Variants in CHIC1 observed in about 807,000 individuals in gnomAD.
CHIC1 encodes the protein cysteine-rich hydrophobic domain-containing protein 1.
CHIC1 carries 7 observed loss-of-function variants against 18.5 expected under a neutral mutation model. That is an observed-to-expected ratio of 0.38 (90% CI 0.22 to 0.71). The LOEUF is 0.71. CHIC1 is among the 30% of genes least tolerant of loss of function. The pLI is 0.49. For synonymous variants in CHIC1, 77 were observed against 73.5 expected (o/e 1.05, Z -0.25); for missense variants, 159 against 176.9 (o/e 0.90, Z 0.57).
intron 3 of CHIC1, among the ~76,000 whole-genome samples, chrX:73,600,885 A>C (rs1195985344): frequency 1.9e-5 from 2 of 106,214 alleles, no homozygotes; most frequent in Non-Finnish European, 3.8e-5. Flanking sequence ...AATGGAAAAC[A>C]AAAAAAAAGG....
At position 73,600,777 on chromosome X, in the gene CHIC1, A is replaced by T. The variant is rs1264054645; in HGVS notation, c.507+16205A>T. ...ATTTTTGCATCAATGTTCATCAAGGATATTGGTCTAAAAGTGTGCTGTATT... is the reference window on the plus strand; with the variant it reads ...ATTTTTGCATCAATGTTCATCAAGGTTATTGGTCTAAAAGTGTGCTGTATT... On this transcript the variant is annotated intron_variant, in intron 3 of 5. Coordinates refer to ENST00000373502, the MANE Select transcript of CHIC1 (RefSeq NM_001039840.4). Among the ~76,000 whole-genome samples the T allele has an allele frequency of 2.8e-5, 3 of 106,947 alleles. No individual in the cohort carries two copies. The Admixed American group carries it at 3.0e-4, about 11-fold the overall frequency. 92.9% of individuals were successfully genotyped at this position (106,947 alleles called of 115,157 possible).
At chrX:73,564,266 A>G (rs776790245) in intron 1 of CHIC1, among the ~76,000 whole-genome samples, 35 of 111,486 alleles carry the variant, frequency 3.1e-4, no homozygotes, top group South Asian at 7.5e-4. Context: ...CTCTAAAATG[A>G]AGGGTTTGGA....
intron 3 of CHIC1, among the ~76,000 whole-genome samples, chrX:73,640,618 A>G (rs2057851105): frequency 9.0e-6 from 1 of 111,515 alleles, no homozygotes; most frequent in Admixed American, 9.5e-5. Context: ...CATTTCTTCT[A>G]AATTTTCTTG....
intron 3 of CHIC1, among the ~76,000 whole-genome samples, chrX:73,627,433 G>A (rs1398029665): frequency 6.2e-5 from 7 of 112,806 alleles, no homozygotes; most frequent in East Asian, 2.8e-4. Flanking sequence ...CAGAGGTGCT[G>A]TCCTAGAGTC....
intron 3 of CHIC1, among the ~76,000 whole-genome samples, chrX:73,634,517 G>T (rs1451209415): frequency 8.9e-6 from 1 of 112,117 alleles, no homozygotes; most frequent in Admixed American, 9.4e-5. Context: ...CCATCCACAA[G>T]GTTGTAGGGG....
intron 3 of CHIC1, among the ~76,000 whole-genome samples, chrX:73,636,618 G>A (rs1397191602): frequency 9.2e-6 from 1 of 108,980 alleles, no homozygotes; most frequent in African/African-American, 3.3e-5. Flanking sequence ...ACCATTTTCT[G>A]TTTAGTTCTT....
chrX:73,569,156 T>C (rs2057458261), intron 1 of CHIC1, among the ~76,000 whole-genome samples: 1 of 111,814 alleles, frequency 8.9e-6, no homozygotes, highest in South Asian at 3.7e-4. Flanking sequence ...AGAATCAGTA[T>C]TCCTATAAGT....
rs754331398 is a variant in CHIC1 at position 73,625,060 on chromosome X, C to T, written c.507+40488C>T. 9.1e-4 allele frequency among the ~76,000 whole-genome samples: 102 copies of T among 111,539 alleles called. 1 individual carries two copies. Among genetic ancestry groups the T allele is most frequent in the South Asian group, 2.3e-3 (6 of 2,641 alleles). On this transcript the variant is annotated intron_variant, in intron 3 of 5. Transcript: ENST00000373502. ...TCTTTCCCTGAGCAGCCCTAGTAAC[C>T]TTGCTTGCTACATCAAAGCCCTTGG...
intron 3 of CHIC1, among the ~76,000 whole-genome samples, chrX:73,669,906 C>T (rs2058021799): frequency 8.9e-6 from 1 of 112,074 alleles, no homozygotes; most frequent in Admixed American, 9.4e-5. Flanking sequence ...GGCATATATG[C>T]AGACCTCCTG....
intron 3 of CHIC1, among the ~76,000 whole-genome samples, chrX:73,609,235 A>T (rs1320109823): frequency 9.3e-6 from 1 of 107,777 alleles, no homozygotes; most frequent in Non-Finnish European, 1.9e-5. Flanking sequence ...CCAGTGCTAA[A>T]TTGAATAGAA....
At chrX:73,570,638 A>G (rs773389787) in intron 1 of CHIC1, among the ~76,000 whole-genome samples, 1 of 111,546 alleles carries the variant, frequency 9.0e-6, no homozygotes, top group Admixed American at 9.5e-5. Context: ...AGAAATTTTC[A>G]GTATACAATT....
chrX:73,686,559 G>GT lies in CHIC1; in HGVS notation c.*5559dup, dbSNP rs2058123013. 1.8e-5 allele frequency: 2 copies of GT among 111,744 alleles called. No individual in the cohort carries two copies. Among genetic ancestry groups the GT allele is most frequent in the African/African-American group, 6.5e-5 (2 of 30,810 alleles). 9.2% of individuals were successfully genotyped at this position (111,744 alleles called of 1,213,427 possible). A position where few individuals can be genotyped will look rare whatever the true frequency, so the allele number is the denominator to read the frequency against. On this transcript the variant is annotated 3_prime_UTR_variant, in exon 6 of 6. Coordinates refer to ENST00000373502, the MANE Select transcript of CHIC1 (RefSeq NM_001039840.4). ...TTCTCAAATGTTCTTTTATTTCTTT[G>GT]TTTTTATCTCGACTTTTTATTTTCC...
rs755762391 is a variant in CHIC1, at chrX:73,683,636, C to G, written c.*2631C>G. ...TGAATTTCTTTGTTACATAATATTC[C>G]TTTATGAAACTTGTGATAGTTTCCA... is the stretch of plus-strand genomic sequence containing the variant. On this transcript the variant is annotated 3_prime_UTR_variant, in exon 6 of 6. Coordinates refer to ENST00000373502, the MANE Select transcript of CHIC1 (RefSeq NM_001039840.4). The G allele has an allele frequency of 1.8e-5, 2 of 111,568 alleles. No homozygotes were observed. The highest frequency in any genetic ancestry group is 3.8e-5 in the Non-Finnish European group (2 of 52,760). 9.2% of individuals were successfully genotyped at this position (111,568 alleles called of 1,213,427 possible). A position where few individuals can be genotyped will look rare whatever the true frequency, so the allele number is the denominator to read the frequency against.
intron 2 of CHIC1, chrX:73,578,656 A>G (rs1190976322): frequency 1.8e-5 from 2 of 110,176 alleles, no homozygotes; most frequent in South Asian, 3.8e-4. Context: ...TAGTATGTAT[A>G]ATAAATTGGA....
chrX:73,611,201 G>A (rs905321618), intron 3 of CHIC1, among the ~76,000 whole-genome samples: 16 of 107,574 alleles, frequency 1.5e-4, no homozygotes, highest in Admixed American at 1.5e-3. Flanking sequence ...TCCAGTGTGT[G>A]ATGTTCCCCT....
chrX:73,608,121 G>C (rs1317236174), intron 3 of CHIC1, among the ~76,000 whole-genome samples: 1 of 109,075 alleles, frequency 9.2e-6, no homozygotes, highest in Non-Finnish European at 1.9e-5. Context: ...CTTTTGCATG[G>C]GGATATCCAG....
In CHIC1 at chrX:73,682,575, A is replaced by C. The variant is rs1319666465; in HGVS notation, c.*1570A>C. On this transcript the variant is annotated 3_prime_UTR_variant, in exon 6 of 6. Coordinates refer to ENST00000373502, the MANE Select transcript of CHIC1 (RefSeq NM_001039840.4). ...TAAGCCACTCTTAAAATTTATGCCT[A>C]ATTTGAAATCCACAGTCCTTGACCA... is the stretch of plus-strand genomic sequence containing the variant. 2 of 111,977 alleles carry C rather than the reference A, an allele frequency of 1.8e-5. No homozygotes were observed. Among genetic ancestry groups the C allele is most frequent in the African/African-American group, 6.5e-5 (2 of 30,910 alleles). 9.2% of individuals were successfully genotyped at this position (111,977 alleles called of 1,213,427 possible). A position where few individuals can be genotyped will look rare whatever the true frequency, so the allele number is the denominator to read the frequency against.
chrX:73,633,415 A>G, intron 3 of CHIC1, among the ~76,000 whole-genome samples: 1 of 111,181 alleles, frequency 9.0e-6, no homozygotes, highest in Non-Finnish European at 1.9e-5. Flanking sequence ...TATTGGGGCA[A>G]TGGTGAATAG....
At chrX:73,584,338 T>TCTTATAAAATAAGAAAAAA in intron 2 of CHIC1, 79 bp from the exon 3 acceptor site, 1 of 859,454 alleles carries the variant, frequency 1.2e-6, no homozygotes, top group Non-Finnish European at 1.6e-6. Flanking sequence ...AAATTATTTG[T>TCTTATAAAATAAGAAAAAA]AATAAATGTT....
Sources: gnomAD v4.1 joint callset for allele counts (sites outside exome capture counted in the v4.1 genomes callset) on GRCh38, gnomAD v4.1.1 for gene constraint, MANE v1.5 for transcripts, NCBI Gene and HGNC (gene_info 2026-07-23, HGNC 2026-07-21) for gene names.